Variants in ELOVL2 observed in about 807,000 individuals in gnomAD.
The protein encoded by ELOVL2 is ELOVL fatty acid elongase 2, also known as very long chain fatty acid elongase 2.
A neutral mutation model predicts 37.7 loss-of-function variants in ELOVL2; 38 were observed. That is an observed-to-expected ratio of 1.01 (90% CI 0.78 to 1.32). The LOEUF is 1.32. ELOVL2 is among the 40% of genes most tolerant of loss of function. ELOVL2 has a pLI of 0.00. For missense variants in ELOVL2, 352 were observed against 363.6 expected (o/e 0.97, Z 0.26); for synonymous variants, 115 against 122.3 (o/e 0.94, Z 0.40).
At chr6:11,030,503 T>C (rs959280888) in intron 1 of ELOVL2, among the ~76,000 whole-genome samples, 2 of 152,154 alleles carry the variant, frequency 1.3e-5, no homozygotes, top group Non-Finnish European at 2.9e-5. Flanking sequence ...TTGTTTGTTT[T>C]TTTGTTGAGA....
chr6:11,010,683 C>A, intron 2 of ELOVL2, 63 bp downstream of exon 2: 1 of 1,297,120 alleles, frequency 7.7e-7, no homozygotes. Flanking sequence ...TAATCCCTTT[C>A]TATAACTAAA....
intron 7 of ELOVL2, among the ~76,000 whole-genome samples, chr6:10,989,374 T>C (rs558543765): frequency 2.4e-4 from 36 of 152,356 alleles, no homozygotes; most frequent in Admixed American, 9.8e-4. Context: ...TGATCTAGGC[T>C]GGGCATAGTG....
intron 1 of ELOVL2, among the ~76,000 whole-genome samples, chr6:11,023,056 CAGAAA>C (rs1313306073): frequency 2.6e-5 from 4 of 152,256 alleles, no homozygotes; most frequent in South Asian, 2.1e-4. Flanking sequence ...ATGTCTGAAA[CAGAAA>C]AGAAAACAAT....
chr6:11,035,084 G>C (rs186618322), intron 1 of ELOVL2, among the ~76,000 whole-genome samples: 194 of 152,276 alleles, frequency 1.3e-3, no homozygotes, highest in African/African-American at 4.5e-3. Context: ...TGTGAAAACA[G>C]CCTTGTCCAT....
chr6:11,021,924 G>A (rs142799443), intron 1 of ELOVL2, among the ~76,000 whole-genome samples: 6 of 152,292 alleles, frequency 3.9e-5, no homozygotes, highest in African/African-American at 1.4e-4. Context: ...AAGGAGGTGC[G>A]TTGGTGGAGT....
At chr6:10,998,516 C>G (rs1486879731) in intron 4 of ELOVL2, among the ~76,000 whole-genome samples, 1 of 152,114 alleles carries the variant, frequency 6.6e-6, no homozygotes. Flanking sequence ...CAATCAGTAT[C>G]ATTTTAAACT....
At chr6:11,021,319 C>T (rs1462498860) in intron 1 of ELOVL2, among the ~76,000 whole-genome samples, 1 of 152,200 alleles carries the variant, frequency 6.6e-6, no homozygotes, top group East Asian at 1.9e-4. Context: ...TCAAGATCTT[C>T]TTTACCTGGC....
intron 1 of ELOVL2, among the ~76,000 whole-genome samples, chr6:11,033,476 T>G (rs1244453655): frequency 6.6e-6 from 1 of 152,200 alleles, no homozygotes; most frequent in Non-Finnish European, 1.5e-5. Context: ...GTTGAGGAGC[T>G]CAAGACAGGC....
At chr6:11,022,011 TA>T (rs1377045570) in intron 1 of ELOVL2, among the ~76,000 whole-genome samples, 2 of 152,132 alleles carry the variant, frequency 1.3e-5, no homozygotes, top group African/African-American at 4.8e-5. Context: ...TTAAGTGTAA[TA>T]GGGGGTCTGT....
chr6:11,027,589 A>T (rs1449959296), intron 1 of ELOVL2, among the ~76,000 whole-genome samples: 3 of 152,136 alleles, frequency 2.0e-5, no homozygotes, highest in African/African-American at 7.2e-5. Context: ...CATAAATCCT[A>T]ATTCTTTCCT....
chr6:10,988,756 TA>T (rs1156371155), intron 7 of ELOVL2, among the ~76,000 whole-genome samples: 1 of 152,234 alleles, frequency 6.6e-6, no homozygotes, highest in Non-Finnish European at 1.5e-5. Context: ...GAGAGCAATT[TA>T]AAATCTACAT....
chr6:10,981,177 G>C lies in ELOVL2; in HGVS notation c.*2604C>G, dbSNP rs996280227. ...ATTCAGTTAACATTCCATTTTGTTA[G>C]TTTAAAAAATTGGGGGAATTATTAA... is the stretch of plus-strand genomic sequence containing the variant. On this transcript the variant is annotated 3_prime_UTR_variant, in exon 8 of 8. Transcript: ENST00000354666. The C allele has an allele frequency of 8.5e-5, 13 of 152,136 alleles. No individual in the cohort carries two copies. Among genetic ancestry groups the C allele is most frequent in the Admixed American group, 7.9e-4 (12 of 15,268 alleles). The allele number at this position is 152,136 out of a possible 1,614,324, so 9.4% of individuals were successfully genotyped here.
chr6:11,043,461 CG>C (rs1783138254), intron 1 of ELOVL2: 1 of 58,962 alleles, frequency 1.7e-5, no homozygotes, highest in African/African-American at 1.3e-4. Context: ...TCATCGGACA[CG>C]GGTGAACACA....
At chr6:11,021,424 G>C (rs1017683303) in intron 1 of ELOVL2, among the ~76,000 whole-genome samples, 2 of 152,156 alleles carry the variant, frequency 1.3e-5, no homozygotes, top group Non-Finnish European at 2.9e-5. Context: ...AATCTCAAGG[G>C]TCCACTTTTG....
At chr6:11,028,930 T>C (rs1012012406) in intron 1 of ELOVL2, among the ~76,000 whole-genome samples, 4 of 151,912 alleles carry the variant, frequency 2.6e-5, no homozygotes, top group African/African-American at 9.7e-5. Context: ...TAGCATCTTC[T>C]TGTCACTCAT....
intron 6 of ELOVL2, 74 bp from the exon 7 acceptor site, chr6:10,989,911 C>G (rs1180504929): frequency 5.1e-6 from 8 of 1,565,380 alleles, no homozygotes; most frequent in African/African-American, 2.7e-5. Context: ...CAAGCTTGAT[C>G]AATTCAGAAA....
At chr6:11,008,059 T>C (rs1782509032) in intron 2 of ELOVL2, among the ~76,000 whole-genome samples, 1 of 152,164 alleles carries the variant, frequency 6.6e-6, no homozygotes, top group Non-Finnish European at 1.5e-5. Context: ...TACCCCTTGA[T>C]GGTACTAACA....
At chr6:11,024,201 C>T (rs1782808137) in intron 1 of ELOVL2, among the ~76,000 whole-genome samples, 1 of 152,132 alleles carries the variant, frequency 6.6e-6, no homozygotes, top group African/African-American at 2.4e-5. Context: ...AGTGGCTTTG[C>T]CAAAATGATT....
At chr6:11,013,363 T>A (rs1398505682) in intron 1 of ELOVL2, among the ~76,000 whole-genome samples, 1 of 152,104 alleles carries the variant, frequency 6.6e-6, no homozygotes, top group Non-Finnish European at 1.5e-5. Flanking sequence ...GCAGTGTTAG[T>A]GAACTGGGGT....
Sources: allele counts gnomAD v4.1 joint callset (sites outside exome capture counted in the v4.1 genomes callset), GRCh38; gene constraint gnomAD v4.1.1; transcripts MANE v1.5; gene names NCBI Gene and HGNC (gene_info 2026-07-23, HGNC 2026-07-21).